NRG1: variants seen among roughly 807,000 people sequenced by gnomAD.
NRG1 encodes the protein pro-neuregulin-1, membrane-bound isoform.
A neutral mutation model predicts 63.8 loss-of-function variants in NRG1; 18 were observed. That is an observed-to-expected ratio of 0.28 (90% CI 0.19 to 0.42). The LOEUF (loss-of-function observed/expected upper bound fraction) is 0.42, where lower values mean the gene tolerates loss of function less well. NRG1 is among the 10% of genes least tolerant of loss of function. NRG1 has a pLI of 1.00. For synonymous variants in NRG1, 302 were observed against 301.3 expected (o/e 1.00, Z -0.02); for missense variants, 762 against 814.7 (o/e 0.94, Z 0.79).
intron 9 of NRG1, among the ~76,000 whole-genome samples, chr8:32,758,992 T>C (rs1451158972): frequency 6.6e-6 from 1 of 152,198 alleles, no homozygotes; most frequent in Non-Finnish European, 1.5e-5. Context: ...ATTCTAGTCA[T>C]TAATTTAAAA....
chr8:31,822,037 A>T (rs1824054369), intron 1 of NRG1, among the ~76,000 whole-genome samples: 1 of 152,224 alleles, frequency 6.6e-6, no homozygotes, highest in African/African-American at 2.4e-5. Context: ...TGACCAATAG[A>T]AGGGCATTTT....
chr8:32,755,012 C>T (rs561872273), intron 8 of NRG1, among the ~76,000 whole-genome samples: 1 of 152,080 alleles, frequency 6.6e-6, no homozygotes, highest in Non-Finnish European at 1.5e-5. Context: ...ATGCAGTTTT[C>T]TGAGTTATAG....
intron 1 of NRG1, among the ~76,000 whole-genome samples, chr8:31,739,527 G>A (rs984191806): frequency 1.3e-5 from 2 of 152,100 alleles, no homozygotes; most frequent in Admixed American, 6.6e-5. Flanking sequence ...AAGCTTTACC[G>A]ACTTCTCCAG....
At chr8:32,127,995 A>C (rs574390793) in intron 1 of NRG1, among the ~76,000 whole-genome samples, 1 of 151,976 alleles carries the variant, frequency 6.6e-6, no homozygotes, top group African/African-American at 2.4e-5. Context: ...TGGATGGCTC[A>C]TCTAATAAAG....
chr8:32,719,156 T>A (rs931035985), intron 5 of NRG1, among the ~76,000 whole-genome samples: 16 of 152,160 alleles, frequency 1.1e-4, no homozygotes, highest in Non-Finnish European at 2.2e-4. Context: ...CAGATATTCT[T>A]AGTGATACAG....
At chr8:32,343,790 A>G (rs1456644575) in intron 1 of NRG1, among the ~76,000 whole-genome samples, 1 of 152,232 alleles carries the variant, frequency 6.6e-6, no homozygotes, top group Non-Finnish European at 1.5e-5. Context: ...GATACAGAAG[A>G]CATTGTTTGT....
At chr8:31,990,275 A>G (rs980089646) in intron 1 of NRG1, among the ~76,000 whole-genome samples, 2 of 152,084 alleles carry the variant, frequency 1.3e-5, no homozygotes, top group African/African-American at 4.8e-5. Context: ...GCTAAGTTGC[A>G]TTTGAATTTT....
intron 1 of NRG1, among the ~76,000 whole-genome samples, chr8:32,041,046 T>TA (rs1427523543): frequency 6.6e-6 from 1 of 152,048 alleles, no homozygotes; most frequent in Non-Finnish European, 1.5e-5. Flanking sequence ...TGATGATGTG[T>TA]AACATGCCAA....
intron 1 of NRG1, among the ~76,000 whole-genome samples, chr8:32,086,716 C>T (rs534818329): frequency 4.5e-4 from 68 of 152,202 alleles, no homozygotes; most frequent in South Asian, 2.1e-3. Context: ...GCATGGGGAA[C>T]GGGTGACATA....
chr8:32,379,237 G>A (rs576657914), intron 1 of NRG1, among the ~76,000 whole-genome samples: 7 of 152,034 alleles, frequency 4.6e-5, no homozygotes, highest in Non-Finnish European at 8.8e-5. Context: ...TCAAACATGA[G>A]AGATTATGCC....
intron 7 of NRG1, chr8:32,748,756 A>G: frequency 2.2e-6 from 1 of 454,118 alleles, no homozygotes. Flanking sequence ...TAGGAATTGG[A>G]TCTTTCCCAC....
At position 32,225,112 on chromosome 8, in the gene NRG1, G is replaced by T. The variant is rs77755676; in HGVS notation, c.38-370716G>T. On this transcript the variant is annotated intron_variant, in intron 1 of 10. Coordinates refer to the NRG1 transcript ENST00000519301. ...ATTGAGTCTTGCCTTGGGAGCCTGT[G>T]ACCCACGGGAGCATTGGAAATGACA... 4.8e-3 allele frequency among the ~76,000 whole-genome samples: 724 copies of T among 152,276 alleles called. 7 individuals are homozygous for T. Among genetic ancestry groups the T allele is most frequent in the African/African-American group, 0.017 (692 of 41,542 alleles).
chr8:32,524,290 T>TTCCCTAGTCTTTTA (rs1288744575), intron 1 of NRG1, among the ~76,000 whole-genome samples: 1 of 152,080 alleles, frequency 6.6e-6, no homozygotes, highest in Non-Finnish European at 1.5e-5. Flanking sequence ...TGGCTGTGAT[T>TTCCCTAGTCTTTTA]TCCCTAGTCT....
At chr8:31,690,982 G>A (rs1213738346) in intron 1 of NRG1, among the ~76,000 whole-genome samples, 1 of 152,320 alleles carries the variant, frequency 6.6e-6, no homozygotes, top group Non-Finnish European at 1.5e-5. Context: ...TAGATGCTGA[G>A]TGAACGAAGA....
intron 1 of NRG1, among the ~76,000 whole-genome samples, chr8:32,315,171 CT>C (rs1857240539): frequency 6.6e-6 from 1 of 152,174 alleles, no homozygotes; most frequent in Non-Finnish European, 1.5e-5. Flanking sequence ...TTTGCTGCCC[CT>C]ATCAACCCTT....
chr8:32,720,859 A>G (rs191444839), intron 5 of NRG1, among the ~76,000 whole-genome samples: 7 of 152,288 alleles, frequency 4.6e-5, no homozygotes, highest in Non-Finnish European at 8.8e-5. Flanking sequence ...TTTCCTGGCA[A>G]TCTTATTATT....
chr8:31,702,936 T>C (rs969699369), intron 1 of NRG1, among the ~76,000 whole-genome samples: 4 of 151,726 alleles, frequency 2.6e-5, no homozygotes, highest in South Asian at 2.1e-4. Context: ...GGGCTGAGAC[T>C]GTGTTTATGC....
intron 1 of NRG1, among the ~76,000 whole-genome samples, chr8:32,332,756 G>A (rs752855626): frequency 1.3e-5 from 2 of 152,090 alleles, no homozygotes; most frequent in Non-Finnish European, 2.9e-5. Context: ...CTCCACAACA[G>A]GTGCAATTAA....
At chr8:31,772,452 C>T (rs1818715044) in intron 1 of NRG1, among the ~76,000 whole-genome samples, 1 of 152,210 alleles carries the variant, frequency 6.6e-6, no homozygotes, top group Admixed American at 6.5e-5. Context: ...GGATTAAACC[C>T]AGGCTTATTT....
Sources: allele counts gnomAD v4.1 joint callset (sites outside exome capture counted in the v4.1 genomes callset), GRCh38; gene constraint gnomAD v4.1.1; transcripts MANE v1.5; gene names NCBI Gene and HGNC (gene_info 2026-07-23, HGNC 2026-07-21).